RNF150: variants seen among roughly 807,000 people sequenced by gnomAD.
RNF150 encodes ring finger protein 150.
Under a neutral mutation model 39.3 loss-of-function variants are expected in RNF150, and 24 were observed. That is an observed-to-expected ratio of 0.61 (90% CI 0.44 to 0.86). RNF150 has a LOEUF of 0.86. Among genes scored for constraint, RNF150 ranks in the 40% least tolerant of loss-of-function variants. The probability of loss-of-function intolerance (pLI) is 0.00; values close to 1 mark genes in which losing one functional copy is unlikely to be tolerated. For synonymous variants in RNF150, 255 were observed against 227.3 expected (o/e 1.12, Z -1.10); for missense variants, 502 against 587.8 (o/e 0.85, Z 1.51).
At chr4:140,950,656 C>G (rs538345756) in intron 2 of RNF150, among the ~76,000 whole-genome samples, 82 of 152,360 alleles carry the variant, frequency 5.4e-4, no homozygotes, top group African/African-American at 1.9e-3. Flanking sequence ...AGTCAGCCAT[C>G]CATCCAACGT....
At chr4:140,904,660 G>A (rs1000491084) in intron 6 of RNF150, among the ~76,000 whole-genome samples, 2 of 152,184 alleles carry the variant, frequency 1.3e-5, no homozygotes, top group African/African-American at 4.8e-5. Context: ...TGCAAATGTA[G>A]CAAAGTGTAG....
chr4:140,948,162 T>C (rs1732398258), intron 3 of RNF150, among the ~76,000 whole-genome samples: 1 of 152,232 alleles, frequency 6.6e-6, no homozygotes, highest in Non-Finnish European at 1.5e-5. Flanking sequence ...TCTCTTTTAA[T>C]GCCTCATAAC....
intron 1 of RNF150, among the ~76,000 whole-genome samples, chr4:141,122,613 G>A (rs952422566): frequency 3.3e-5 from 5 of 152,140 alleles, no homozygotes; most frequent in Non-Finnish European, 1.5e-5. Flanking sequence ...AGCTATATGT[G>A]AATGTTTACT....
intron 1 of RNF150, among the ~76,000 whole-genome samples, chr4:141,196,869 G>A (rs1728209612): frequency 6.6e-6 from 1 of 152,168 alleles, no homozygotes; most frequent in Non-Finnish European, 1.5e-5. Flanking sequence ...ATCTGCCTTA[G>A]AGACAAGTTC....
chr4:140,894,765 C>A (rs1729877922), intron 6 of RNF150, among the ~76,000 whole-genome samples: 1 of 152,136 alleles, frequency 6.6e-6, no homozygotes, highest in Admixed American at 6.5e-5. Flanking sequence ...TTTTGTCCGG[C>A]CTGCAAATAT....
At chr4:140,965,192 C>T (rs1311403577) in intron 2 of RNF150, among the ~76,000 whole-genome samples, 1 of 152,092 alleles carries the variant, frequency 6.6e-6, no homozygotes, top group African/African-American at 2.4e-5. Context: ...TATGAGATCA[C>T]ACCTCACACC....
At chr4:141,013,220 T>C (rs568650760) in intron 1 of RNF150, among the ~76,000 whole-genome samples, 1 of 152,236 alleles carries the variant, frequency 6.6e-6, no homozygotes, top group Non-Finnish European at 1.5e-5. Flanking sequence ...GATTATGTGA[T>C]GGCTCGGATG....
At chr4:141,114,054 C>T (rs1739471666) in intron 1 of RNF150, among the ~76,000 whole-genome samples, 1 of 152,124 alleles carries the variant, frequency 6.6e-6, no homozygotes, top group African/African-American at 2.4e-5. Flanking sequence ...CAGGAGAAAG[C>T]AGGAAAGATC....
intron 4 of RNF150, among the ~76,000 whole-genome samples, chr4:140,940,187 TC>T (rs1277013135): frequency 6.6e-6 from 1 of 152,176 alleles, no homozygotes; most frequent in Non-Finnish European, 1.5e-5. Context: ...AGCAAGACAC[TC>T]TAACAATTCC....
At chr4:141,117,730 G>T (rs1726473593) in intron 1 of RNF150, among the ~76,000 whole-genome samples, 1 of 152,208 alleles carries the variant, frequency 6.6e-6, no homozygotes, top group South Asian at 2.1e-4. Context: ...TGGGGTTACA[G>T]GGTCTGTGAA....
rs1212577668 is a variant in RNF150 at position 140,999,965 on chromosome 4, AGAAG to A, written c.485-32096_485-32093del. Reference sequence around the variant, plus strand: ...AAAAAGAAGAAGAAGAAGAAGAAGAAGAAGAAGAAGAAAAGAAGAAAAGAAGAAA... The same window carrying A: ...AAAAAGAAGAAGAAGAAGAAGAAGAAAAGAAGAAAAGAAGAAAAGAAGAAA... On this transcript the variant is annotated intron_variant, in intron 1 of 6. Transcript: ENST00000515673. 4.6e-3 allele frequency among the ~76,000 whole-genome samples: 154 copies of A among 33,176 alleles called. 22 individuals are homozygous for A. Among genetic ancestry groups the A allele is most frequent in the African/African-American group, 8.9e-3 (148 of 16,556 alleles). The allele number at this position is 33,176 out of a possible 152,430, so 21.8% of individuals were successfully genotyped here.
chr4:141,037,151 C>G (rs1736178267), intron 1 of RNF150, among the ~76,000 whole-genome samples: 1 of 152,088 alleles, frequency 6.6e-6, no homozygotes, highest in Admixed American at 6.6e-5. Flanking sequence ...CTAAAGGACA[C>G]AGTATTCTGT....
intron 1 of RNF150, among the ~76,000 whole-genome samples, chr4:141,046,836 G>T (rs12108536): frequency 0.046 from 7,059 of 152,116 alleles, 207 homozygotes; most frequent in East Asian, 0.16. Flanking sequence ...CAGATATAAG[G>T]ATAAAATGAG....
At chr4:141,054,403 T>C (rs1369523165) in intron 1 of RNF150, among the ~76,000 whole-genome samples, 1 of 152,134 alleles carries the variant, frequency 6.6e-6, no homozygotes, top group African/African-American at 2.4e-5. Flanking sequence ...AAGACAAATA[T>C]ATTAACTTTT....
intron 1 of RNF150, among the ~76,000 whole-genome samples, chr4:140,995,352 G>A (rs905899956): frequency 1.3e-5 from 2 of 152,204 alleles, no homozygotes; most frequent in African/African-American, 4.8e-5. Context: ...CCCATAGGCA[G>A]TGTGCCCAGA....
chr4:141,054,706 G>C (rs1011605524), intron 1 of RNF150, among the ~76,000 whole-genome samples: 4 of 152,052 alleles, frequency 2.6e-5, no homozygotes, highest in Admixed American at 6.5e-5. Context: ...TCTCTCTTCA[G>C]ATAAATTGCC....
intron 6 of RNF150, among the ~76,000 whole-genome samples, chr4:140,884,254 T>G (rs1473418429): frequency 1.3e-5 from 2 of 152,248 alleles, no homozygotes; most frequent in Non-Finnish European, 2.9e-5. Context: ...ATGATTCTTT[T>G]GAAACGATTT....
chr4:141,185,671 A>G (rs1408873829), intron 1 of RNF150, among the ~76,000 whole-genome samples: 1 of 152,206 alleles, frequency 6.6e-6, no homozygotes, highest in Non-Finnish European at 1.5e-5. Flanking sequence ...TGGGTTTGTC[A>G]TAAATAGCTC....
chr4:141,194,295 T>C (rs1728161757), intron 1 of RNF150, among the ~76,000 whole-genome samples: 1 of 152,236 alleles, frequency 6.6e-6, no homozygotes, highest in Non-Finnish European at 1.5e-5. Context: ...TGGGGAAAAT[T>C]AATTTTTACT....
Sources: allele counts gnomAD v4.1 joint callset (sites outside exome capture counted in the v4.1 genomes callset), GRCh38; gene constraint gnomAD v4.1.1; transcripts MANE v1.5; gene names NCBI Gene and HGNC (gene_info 2026-07-23, HGNC 2026-07-21).